TRAPPC9: variants seen among roughly 807,000 people sequenced by gnomAD.
TRAPPC9 encodes the protein trafficking protein particle complex subunit 9, also known as IKK2 binding protein.
TRAPPC9 carries 83 observed loss-of-function variants against 124.0 expected under a neutral mutation model. The observed-to-expected ratio is 0.67, with a 90% CI of 0.56 to 0.80. The LOEUF (loss-of-function observed/expected upper bound fraction) is 0.80. TRAPPC9 is among the 30% of genes least tolerant of loss of function. TRAPPC9 has a pLI of 0.00. For synonymous variants in TRAPPC9, 638 were observed against 617.5 expected (o/e 1.03, Z -0.49); for missense variants, 1,302 against 1,508.3 (o/e 0.86, Z 2.27).
At chr8:140,033,680 T>G (rs1213880671) in intron 17 of TRAPPC9, among the ~76,000 whole-genome samples, 6 of 116,030 alleles carry the variant, frequency 5.2e-5, no homozygotes, top group Non-Finnish European at 8.6e-5. Flanking sequence ...TTTTTTTTTT[T>G]TTTTTTTTTT....
intron 17 of TRAPPC9, among the ~76,000 whole-genome samples, chr8:140,077,800 A>T (rs1843594475): frequency 6.6e-6 from 1 of 152,054 alleles, no homozygotes; most frequent in African/African-American, 2.4e-5. Context: ...ATTGTGTAGA[A>T]AACGGAAAGG....
intron 17 of TRAPPC9, among the ~76,000 whole-genome samples, chr8:140,144,356 T>C (rs2130790156): frequency 6.6e-6 from 1 of 152,382 alleles, no homozygotes; most frequent in East Asian, 1.9e-4. Context: ...ATTTACATTT[T>C]GTATGTTTAT....
intron 19 of TRAPPC9, among the ~76,000 whole-genome samples, chr8:139,981,540 A>T (rs759068567): frequency 2.0e-5 from 3 of 152,272 alleles, no homozygotes; most frequent in Admixed American, 6.5e-5. Flanking sequence ...ACTGGGCGCC[A>T]CACGGTTAAG....
intron 17 of TRAPPC9, among the ~76,000 whole-genome samples, chr8:140,066,189 A>G (rs1023621029): frequency 6.6e-6 from 1 of 152,204 alleles, no homozygotes; most frequent in Admixed American, 6.5e-5. Flanking sequence ...TAGCAGTAGA[A>G]TTAGAATTAG....
intron 21 of TRAPPC9, among the ~76,000 whole-genome samples, chr8:139,820,526 C>T (rs1825183132): frequency 6.6e-6 from 1 of 152,202 alleles, no homozygotes; most frequent in South Asian, 2.1e-4. Context: ...TCCACATATA[C>T]ACATTTTTAT....
At chr8:139,960,371 G>A (rs1176165410) in intron 19 of TRAPPC9, among the ~76,000 whole-genome samples, 3 of 152,096 alleles carry the variant, frequency 2.0e-5, no homozygotes, top group Non-Finnish European at 2.9e-5. Context: ...GCCCAGCATC[G>A]CCCTCCGGAA....
chr8:139,895,092 C>A lies in TRAPPC9; in HGVS notation c.2965-9123G>T, dbSNP rs989657265. Among the ~76,000 whole-genome samples, 6 of 152,186 alleles carry A rather than the reference C, an allele frequency of 3.9e-5. No homozygotes were observed. The East Asian group carries it at 7.7e-4, about 20-fold the overall frequency. On this transcript the variant is annotated intron_variant, in intron 20 of 22. Transcript: ENST00000438773. ...GGGCTACTCGGGGACAGAACGGCCA[C>A]CCCCGGAGCCACTTTAACTCCAGAG... is the stretch of plus-strand genomic sequence containing the variant.
intron 17 of TRAPPC9, among the ~76,000 whole-genome samples, chr8:140,171,309 T>C (rs116888663): frequency 1.9e-3 from 286 of 152,276 alleles, no homozygotes; most frequent in Non-Finnish European, 3.4e-3. Context: ...CATATATAGG[T>C]AAAGAAAAAT....
At chr8:140,155,093 G>C (rs1387530317) in intron 17 of TRAPPC9, among the ~76,000 whole-genome samples, 1 of 152,198 alleles carries the variant, frequency 6.6e-6, no homozygotes, top group Non-Finnish European at 1.5e-5. Context: ...CTCACGACTG[G>C]AAGGCGTATT....
chr8:140,190,155 T>C (rs1453669306), intron 17 of TRAPPC9, among the ~76,000 whole-genome samples: 3 of 152,118 alleles, frequency 2.0e-5, no homozygotes, highest in African/African-American at 4.8e-5. Flanking sequence ...ACGGCTATAA[T>C]AACAACCACC....
chr8:139,936,216 G>A (rs968417689), intron 19 of TRAPPC9, among the ~76,000 whole-genome samples: 3 of 152,222 alleles, frequency 2.0e-5, no homozygotes, highest in Admixed American at 1.3e-4. Flanking sequence ...CGTCTAGCAC[G>A]CACCATCACA....
chr8:139,817,999 G>T (rs565793860), intron 21 of TRAPPC9, among the ~76,000 whole-genome samples: 3 of 152,184 alleles, frequency 2.0e-5, no homozygotes, highest in Non-Finnish European at 4.4e-5. Flanking sequence ...TTAAGCTACC[G>T]TGTGTACCAG....
intron 21 of TRAPPC9, among the ~76,000 whole-genome samples, chr8:139,749,527 C>T (rs1385284688): frequency 6.6e-6 from 1 of 152,188 alleles, no homozygotes. Context: ...TGAAAAGGTG[C>T]CATGCTTGTC....
chr8:139,861,430 C>A (rs1311696832), intron 21 of TRAPPC9, among the ~76,000 whole-genome samples: 1 of 152,148 alleles, frequency 6.6e-6, no homozygotes, highest in Non-Finnish European at 1.5e-5. Flanking sequence ...TAGGTCAGAG[C>A]AGGTGACCAG....
At chr8:139,905,077 C>A (rs1831264688) in intron 20 of TRAPPC9, among the ~76,000 whole-genome samples, 1 of 152,102 alleles carries the variant, frequency 6.6e-6, no homozygotes, top group South Asian at 2.1e-4. Context: ...GAAGAAGGTA[C>A]CAAAGGTAGG....
Position 140,245,801 on chromosome 8 carries a change from CT to C in TRAPPC9, c.2431+6975del, listed in dbSNP as rs1420600040. Among the ~76,000 whole-genome samples the C allele has an allele frequency of 2.0e-5, 3 of 152,298 alleles. No homozygotes were observed. The East Asian group carries it at 5.8e-4, about 29-fold the overall frequency. ...CAGCCTCAGGTGTGATTCTGGGACA[CT>C]GCTAATTCACAGAAGGTGCTGTGTT... On this transcript the variant is annotated intron_variant, in intron 16 of 22. Coordinates refer to ENST00000438773, the MANE Select transcript of TRAPPC9 (RefSeq NM_001160372.4).
intron 16 of TRAPPC9, among the ~76,000 whole-genome samples, chr8:140,243,705 T>G (rs1448853356): frequency 6.6e-6 from 1 of 152,240 alleles, no homozygotes; most frequent in Middle Eastern, 3.2e-3. Context: ...GAAGATTCCT[T>G]ACATGAACTG....
At chr8:139,738,479 T>C (rs1818345982) in intron 21 of TRAPPC9, among the ~76,000 whole-genome samples, 1 of 152,068 alleles carries the variant, frequency 6.6e-6, no homozygotes, top group African/African-American at 2.4e-5. Context: ...CCCAATGGCG[T>C]CAGGAGAGTC....
chr8:140,318,489 TCTAA>T (rs960818970), intron 9 of TRAPPC9, among the ~76,000 whole-genome samples: 10 of 152,234 alleles, frequency 6.6e-5, no homozygotes, highest in African/African-American at 2.4e-4. Flanking sequence ...ACTCCTCCTG[TCTAA>T]CTGAGGCTTT....
Sources: allele counts gnomAD v4.1 joint callset (sites outside exome capture counted in the v4.1 genomes callset), GRCh38; gene constraint gnomAD v4.1.1; transcripts MANE v1.5; gene names NCBI Gene and HGNC (gene_info 2026-07-23, HGNC 2026-07-21).